OSBPL10: variants seen among roughly 807,000 people sequenced by gnomAD.
OSBPL10 encodes the protein oxysterol binding protein like 10.
Under a neutral mutation model 81.7 loss-of-function variants are expected in OSBPL10, and 49 were observed. That is an observed-to-expected ratio of 0.60 (90% CI 0.48 to 0.76). The LOEUF (loss-of-function observed/expected upper bound fraction) is 0.76, where lower values mean the gene tolerates loss of function less well. Among genes scored for constraint, OSBPL10 ranks in the 30% least tolerant of loss-of-function variants. The pLI is 0.00. For synonymous variants in OSBPL10, 419 were observed against 383.6 expected (o/e 1.09, Z -1.08); for missense variants, 923 against 987.8 (o/e 0.93, Z 0.88).
At chr3:31,911,131 G>C (rs1196941224) in intron 1 of OSBPL10, among the ~76,000 whole-genome samples, 1 of 152,114 alleles carries the variant, frequency 6.6e-6, no homozygotes, top group Non-Finnish European at 1.5e-5. Context: ...GAAGACACAG[G>C]GCCAGGGGTG....
Position 32,073,900 on chromosome 3 carries a change from C to A in OSBPL10, n.185+3496G>T, listed in dbSNP as rs7630760. Reference sequence around the variant, plus strand: ...ACAGGGCACCCTCCAATACTTCCGCCCTGATGAAGTTCTATCCTTTACTTT... The same window carrying A: ...ACAGGGCACCCTCCAATACTTCCGCACTGATGAAGTTCTATCCTTTACTTT... On this transcript the variant is annotated intron_variant and non_coding_transcript_variant, in intron 1 of 3. Transcript: ENST00000479173. Among the ~76,000 whole-genome samples the A allele has an allele frequency of 1.3e-3, 194 of 152,246 alleles. 2 individuals carry two copies. The highest frequency in any genetic ancestry group is 6.8e-3 in the Middle Eastern group (2 of 294).
chr3:31,908,258 T>A (rs1696473715), intron 1 of OSBPL10, among the ~76,000 whole-genome samples: 1 of 151,690 alleles, frequency 6.6e-6, no homozygotes, highest in Admixed American at 6.6e-5. Flanking sequence ...ATTCCAGATA[T>A]AAAGGGAGAC....
chr3:31,795,433 A>G (rs1375493919), intron 4 of OSBPL10: 1 of 163,086 alleles, frequency 6.1e-6, no homozygotes, highest in Non-Finnish European at 1.4e-5. Context: ...GGCATGAGCC[A>G]CCGTGTCTGG....
chr3:31,918,938 G>T (rs565114033), intron 1 of OSBPL10, among the ~76,000 whole-genome samples: 1 of 152,096 alleles, frequency 6.6e-6, no homozygotes, highest in Non-Finnish European at 1.5e-5. Flanking sequence ...TTGTGGTTTC[G>T]ATCTACAAGA....
upstream of OSBPL10, among the ~76,000 whole-genome samples, chr3:31,985,907 A>G (rs1698927329): frequency 6.6e-6 from 1 of 152,244 alleles, no homozygotes; most frequent in Non-Finnish European, 1.5e-5. Flanking sequence ...TTACAGGCAG[A>G]GGAAACTGAA....
intron 2 of OSBPL10, among the ~76,000 whole-genome samples, chr3:32,042,780 G>C: frequency 6.6e-6 from 1 of 152,074 alleles, no homozygotes; most frequent in South Asian, 2.1e-4. Context: ...TAGGTCACAA[G>C]ATCACATGCT....
At chr3:31,846,076 C>A (rs1272565979) in intron 3 of OSBPL10, among the ~76,000 whole-genome samples, 1 of 152,170 alleles carries the variant, frequency 6.6e-6, no homozygotes, top group Non-Finnish European at 1.5e-5. Context: ...GCAGCGGCAC[C>A]ATCTCTGCTC....
intron 2 of OSBPL10, among the ~76,000 whole-genome samples, chr3:32,025,107 T>C (rs1281221466): frequency 6.6e-6 from 1 of 152,178 alleles, no homozygotes; most frequent in East Asian, 1.9e-4. Flanking sequence ...TCCTACACCA[T>C]TAAATATGAT....
At chr3:31,753,585 C>T (rs1240323402) in intron 4 of OSBPL10, among the ~76,000 whole-genome samples, 1 of 152,130 alleles carries the variant, frequency 6.6e-6, no homozygotes, top group Non-Finnish European at 1.5e-5. Flanking sequence ...CTCTCAGGAG[C>T]AATACTTTAA....
At chr3:31,666,306 C>T (rs1700189792) in intron 10 of OSBPL10, among the ~76,000 whole-genome samples, 1 of 152,178 alleles carries the variant, frequency 6.6e-6, no homozygotes, top group African/African-American at 2.4e-5. Flanking sequence ...TATGGGAAGA[C>T]CGAAGACCAC....
rs56311731 is a variant in OSBPL10 at position 31,762,630 on chromosome 3, A to ATTTTTTTTTTTTTTTTTTTTTTT, written c.730-14511_730-14510insAAAAAAAAAAAAAAAAAAAAAAA. 1.0e-3 allele frequency among the ~76,000 whole-genome samples: 62 copies of ATTTTTTTTTTTTTTTTTTTTTTT among 61,478 alleles called. 16 individuals are homozygous for ATTTTTTTTTTTTTTTTTTTTTTT. Among genetic ancestry groups the ATTTTTTTTTTTTTTTTTTTTTTT allele is most frequent in the African/African-American group, 1.6e-3 (20 of 12,522 alleles). The allele number at this position is 61,478 out of a possible 152,430, so 40.3% of individuals were successfully genotyped here. A position where few individuals can be genotyped will look rare whatever the true frequency, so the allele number is the denominator to read the frequency against. On this transcript the variant is annotated intron_variant, in intron 4 of 11. Transcript: ENST00000396556. The stretch of plus-strand genomic sequence containing the variant: ...GCCTATGCACAACACCATGCCCAGC[A>ATTTTTTTTTTTTTTTTTTTTTTT]TTTTTTTTTTTTTTTTTTTGTAGAG...
intron 1 of OSBPL10, among the ~76,000 whole-genome samples, chr3:31,901,422 C>G (rs184138832): frequency 7.2e-5 from 11 of 152,332 alleles, no homozygotes; most frequent in African/African-American, 2.6e-4. Context: ...CCCCACTTTC[C>G]TGCCTCAGAA....
intron 6 of OSBPL10, among the ~76,000 whole-genome samples, chr3:31,711,533 G>A (rs767040717): frequency 2.6e-5 from 4 of 152,168 alleles, no homozygotes; most frequent in Non-Finnish European, 5.9e-5. Flanking sequence ...TAAAAGGAAT[G>A]AATTTATAAA....
intron 4 of OSBPL10, among the ~76,000 whole-genome samples, chr3:31,771,094 G>A (rs1575533765): frequency 6.6e-6 from 1 of 152,174 alleles, no homozygotes; most frequent in Non-Finnish European, 1.5e-5. Flanking sequence ...GTCCATATAC[G>A]TGAATCACTC....
chr3:31,852,147 G>A (rs184820273), intron 3 of OSBPL10, among the ~76,000 whole-genome samples: 1 of 152,222 alleles, frequency 6.6e-6, no homozygotes, highest in East Asian at 1.9e-4. Flanking sequence ...ATCTCCCTGG[G>A]CCTCAGTTTC....
In OSBPL10 at chr3:31,922,122, T is replaced by C. The variant is rs550197544; in HGVS notation, c.282-42292A>G. ...GAAATGACAACTAAATGTAATACGG[T>C]ATCCTGGAAGGGATCCTAGAACAGA... On this transcript the variant is annotated intron_variant, in intron 1 of 11. Transcript: ENST00000396556. 1.2e-3 allele frequency among the ~76,000 whole-genome samples: 182 copies of C among 152,332 alleles called. 2 individuals are homozygous for C. The highest frequency in any genetic ancestry group is 4.3e-3 in the African/African-American group (177 of 41,584).
At chr3:31,909,837 C>A (rs34864128) in intron 1 of OSBPL10, among the ~76,000 whole-genome samples, 24,252 of 152,092 alleles carry the variant, frequency 0.16, 2,216 homozygotes, top group East Asian at 0.21. Flanking sequence ...TTGAAACAAA[C>A]CCCCTAACAC....
chr3:32,037,972 A>G (rs1346231003), intron 2 of OSBPL10, among the ~76,000 whole-genome samples: 1 of 152,260 alleles, frequency 6.6e-6, no homozygotes. Flanking sequence ...TTTTTATATC[A>G]GAACAGAGAA....
chr3:32,028,663 T>A (rs955410766), intron 2 of OSBPL10, among the ~76,000 whole-genome samples: 1 of 152,070 alleles, frequency 6.6e-6, no homozygotes, highest in African/African-American at 2.4e-5. Context: ...CTTTAAGGAG[T>A]TTGGAAACTT....
Sources: gnomAD v4.1 joint callset for allele counts (sites outside exome capture counted in the v4.1 genomes callset) on GRCh38, gnomAD v4.1.1 for gene constraint, MANE v1.5 for transcripts, NCBI Gene and HGNC (gene_info 2026-07-23, HGNC 2026-07-21) for gene names.